EDIL3: variants seen among roughly 807,000 people sequenced by gnomAD.
EDIL3 encodes EGF-like repeat and discoidin I-like domain-containing protein 3.
Under a neutral mutation model 67.4 loss-of-function variants are expected in EDIL3, and 37 were observed. The observed-to-expected ratio is 0.55, with a 90% CI of 0.42 to 0.72. The LOEUF (loss-of-function observed/expected upper bound fraction) is 0.72. Among genes scored for constraint, EDIL3 ranks in the 30% least tolerant of loss-of-function variants. The pLI is 0.00. For synonymous variants in EDIL3, 195 were observed against 196.3 expected (o/e 0.99, Z 0.05); for missense variants, 527 against 586.3 (o/e 0.90, Z 1.04).
At chr5:84,201,860 A>G (rs1274811126) in intron 3 of EDIL3, among the ~76,000 whole-genome samples, 2 of 152,124 alleles carry the variant, frequency 1.3e-5, no homozygotes, top group Admixed American at 6.6e-5. Flanking sequence ...CAATGCAAAA[A>G]GAGAGAGTGC....
chr5:84,310,837 G>A (rs147772542), intron 1 of EDIL3, among the ~76,000 whole-genome samples: 21 of 152,178 alleles, frequency 1.4e-4, no homozygotes, highest in Middle Eastern at 3.4e-3. Flanking sequence ...TAAAACATAA[G>A]TCATTTCTCA....
intron 1 of EDIL3, among the ~76,000 whole-genome samples, chr5:84,276,054 T>C (rs554753953): frequency 6.6e-6 from 1 of 152,288 alleles, no homozygotes; most frequent in Admixed American, 6.5e-5. Context: ...GGATCTCTCT[T>C]ACAGTCCTGA....
intron 3 of EDIL3, among the ~76,000 whole-genome samples, chr5:84,202,359 A>C (rs981595200): frequency 6.6e-6 from 1 of 152,172 alleles, no homozygotes; most frequent in Admixed American, 6.6e-5. Context: ...TGAGCCATAA[A>C]CAAGTTCATC....
intron 1 of EDIL3, among the ~76,000 whole-genome samples, chr5:84,300,136 C>T (rs956295104): frequency 2.6e-5 from 4 of 152,186 alleles, no homozygotes; most frequent in Non-Finnish European, 4.4e-5. Context: ...GGGCTGCATT[C>T]CCTTCTGGAG....
At chr5:84,361,298 C>CAT in intron 1 of EDIL3, among the ~76,000 whole-genome samples, 1 of 151,792 alleles carries the variant, frequency 6.6e-6, no homozygotes, top group African/African-American at 2.4e-5. Flanking sequence ...CACACACACA[C>CAT]ACACACTTCA....
At chr5:84,150,496 A>G (rs1210735798) in intron 4 of EDIL3, among the ~76,000 whole-genome samples, 1 of 152,186 alleles carries the variant, frequency 6.6e-6, no homozygotes, top group African/African-American at 2.4e-5. Context: ...GACAGTTCCT[A>G]AAAGAATATA....
rs372669595 is a variant in EDIL3, at chr5:83,979,170, G to A, written c.1138-15810C>T. Among the ~76,000 whole-genome samples the A allele has an allele frequency of 1.8e-4, 27 of 152,168 alleles. 1 individual carries two copies. The South Asian group carries it at 5.4e-3, about 30-fold the overall frequency. ...GGATGAGACATAAATGAAAAGATGA[G>A]AAGTTTCATTAGTAATCACGGAAAT... On this transcript the variant is annotated intron_variant, in intron 9 of 10. Coordinates refer to ENST00000296591, the MANE Select transcript of EDIL3 (RefSeq NM_005711.5).
chr5:83,951,738 A>T (rs905467224), intron 10 of EDIL3, among the ~76,000 whole-genome samples: 1 of 151,694 alleles, frequency 6.6e-6, no homozygotes, highest in African/African-American at 2.4e-5. Context: ...TATTTCTTAG[A>T]TCCTCTGGAA....
intron 3 of EDIL3, among the ~76,000 whole-genome samples, chr5:84,229,388 C>T (rs1217616910): frequency 1.3e-5 from 2 of 152,072 alleles, no homozygotes; most frequent in Non-Finnish European, 2.9e-5. Flanking sequence ...GTGAGGCAGA[C>T]ACAGTACCCT....
At chr5:84,129,776 C>T (rs1010581095) in intron 5 of EDIL3, among the ~76,000 whole-genome samples, 19 of 151,680 alleles carry the variant, frequency 1.3e-4, no homozygotes, top group Non-Finnish European at 2.9e-5. Flanking sequence ...TTTAAAAATC[C>T]CTTGTGATTG....
chr5:84,297,752 G>A (rs747971784), intron 1 of EDIL3, among the ~76,000 whole-genome samples: 1 of 152,202 alleles, frequency 6.6e-6, no homozygotes, highest in Admixed American at 6.5e-5. Flanking sequence ...ATGATTTACA[G>A]CTGTGATGGT....
chr5:84,220,451 G>C (rs1744319840), intron 3 of EDIL3, among the ~76,000 whole-genome samples: 1 of 152,090 alleles, frequency 6.6e-6, no homozygotes, highest in African/African-American at 2.4e-5. Context: ...ACCAAATTTA[G>C]TTCTCAATAA....
intron 9 of EDIL3, among the ~76,000 whole-genome samples, chr5:84,026,419 A>G (rs929184178): frequency 1.3e-5 from 2 of 152,132 alleles, no homozygotes; most frequent in African/African-American, 2.4e-5. Flanking sequence ...TTATCTTCAT[A>G]AAATTATTTA....
chr5:84,169,003 A>T (rs1259343468), intron 4 of EDIL3, among the ~76,000 whole-genome samples: 1 of 152,042 alleles, frequency 6.6e-6, no homozygotes, highest in Non-Finnish European at 1.5e-5. Flanking sequence ...CATGCTCCAG[A>T]CACATACCCA....
chr5:84,203,176 AT>A (rs948754834), intron 3 of EDIL3, among the ~76,000 whole-genome samples: 3 of 152,170 alleles, frequency 2.0e-5, no homozygotes, highest in African/African-American at 4.8e-5. Flanking sequence ...AAACTATTGA[AT>A]TTTGCTTCCA....
chr5:84,269,861 A>G (rs2112094758), intron 1 of EDIL3, among the ~76,000 whole-genome samples: 1 of 152,254 alleles, frequency 6.6e-6, no homozygotes. Flanking sequence ...AATCTCCCCA[A>G]CGTTCTTCAC....
chr5:84,197,814 C>T (rs1328901163), intron 3 of EDIL3, among the ~76,000 whole-genome samples: 1 of 151,952 alleles, frequency 6.6e-6, no homozygotes, highest in Admixed American at 6.6e-5. Flanking sequence ...ACAAGCCTCA[C>T]TAGGCAGATT....
chr5:84,315,585 T>A lies in EDIL3; in HGVS notation c.68-61373A>T, dbSNP rs559875919. Among the ~76,000 whole-genome samples, 99 of 152,344 alleles carry A rather than the reference T, an allele frequency of 6.5e-4. No individual in the cohort carries two copies. In the Middle Eastern group the frequency reaches 0.01, roughly 16 times the overall value. On this transcript the variant is annotated intron_variant, in intron 1 of 10. Coordinates refer to ENST00000296591, the MANE Select transcript of EDIL3 (RefSeq NM_005711.5). Reference sequence around the variant, plus strand: ...TTAAAGGAATTTAATGTAATTAATATTTTTTAAAAAGTTGCCTGCAAGACT... The same window carrying A: ...TTAAAGGAATTTAATGTAATTAATAATTTTTAAAAAGTTGCCTGCAAGACT...
intron 1 of EDIL3, among the ~76,000 whole-genome samples, chr5:84,373,116 C>T (rs1352139091): frequency 6.6e-6 from 1 of 152,086 alleles, no homozygotes; most frequent in Admixed American, 6.6e-5. Context: ...GTTTTAATTT[C>T]ATGTCATCTT....
Sources: allele counts gnomAD v4.1 joint callset (sites outside exome capture counted in the v4.1 genomes callset), GRCh38; gene constraint gnomAD v4.1.1; transcripts MANE v1.5; gene names NCBI Gene and HGNC (gene_info 2026-07-23, HGNC 2026-07-21).